TBC1D15: variants seen among roughly 807,000 people sequenced by gnomAD.
TBC1D15 encodes TBC1 domain family member 15.
A neutral mutation model predicts 95.4 loss-of-function variants in TBC1D15; 39 were observed. The ratio of observed to expected loss-of-function variants is 0.41; its 90% CI spans 0.32 to 0.53. The LOEUF (loss-of-function observed/expected upper bound fraction) is 0.53. TBC1D15 is among the 20% of genes least tolerant of loss of function. TBC1D15 has a pLI of 0.29. For synonymous variants in TBC1D15, 258 were observed against 261.3 expected (o/e 0.99, Z 0.12); for missense variants, 733 against 794.3 (o/e 0.92, Z 0.93).
At chr12:71,856,677 C>T (rs993553505) in intron 1 of TBC1D15, among the ~76,000 whole-genome samples, 2 of 152,020 alleles carry the variant, frequency 1.3e-5, no homozygotes, top group African/African-American at 4.8e-5. Context: ...TGCTGATGCT[C>T]TTTCTTTGCT....
chr12:71,888,844 C>CTTTTTTT (rs112009881), intron 5 of TBC1D15, among the ~76,000 whole-genome samples: 2 of 118,728 alleles, frequency 1.7e-5, no homozygotes, highest in Admixed American at 8.6e-5. Context: ...ATACATGTTT[C>CTTTTTTT]TTTTTTTTTT....
At chr12:71,861,394 G>A (rs1890327087) in intron 1 of TBC1D15, 5 of 1,426,854 alleles carry the variant, frequency 3.5e-6, no homozygotes, top group Non-Finnish European at 4.6e-6. Context: ...TACTGTAATT[G>A]TTTTTTTCAG....
chr12:71,912,583 C>A (rs1285359021), intron 11 of TBC1D15, among the ~76,000 whole-genome samples: 10 of 152,048 alleles, frequency 6.6e-5, no homozygotes, highest in Non-Finnish European at 1.3e-4. Flanking sequence ...TACCTGCTTT[C>A]TGAGATCATT....
chr12:71,880,344 G>A, intron 3 of TBC1D15, 125 bp from the exon 4 acceptor site: 1 of 671,432 alleles, frequency 1.5e-6, no homozygotes, highest in Non-Finnish European at 2.4e-6. Flanking sequence ...ATAGGAAATG[G>A]TGTTCAGTTT....
At chr12:71,879,052 A>T (rs953417120) in intron 3 of TBC1D15, among the ~76,000 whole-genome samples, 1 of 152,032 alleles carries the variant, frequency 6.6e-6, no homozygotes, top group Non-Finnish European at 1.5e-5. Context: ...ACATGAATAC[A>T]ATCCTGTTGC....
chr12:71,884,154 A>G (rs1436982973), intron 4 of TBC1D15, among the ~76,000 whole-genome samples: 1 of 152,162 alleles, frequency 6.6e-6, no homozygotes, highest in Non-Finnish European at 1.5e-5. Context: ...AAATGTCTGT[A>G]TATTCACTCC....
At chr12:71,856,847 G>C (rs1889196259) in intron 1 of TBC1D15, among the ~76,000 whole-genome samples, 2 of 152,192 alleles carry the variant, frequency 1.3e-5, no homozygotes, top group African/African-American at 4.8e-5. Context: ...TACTCTTTGG[G>C]CAAATAAAAC....
intron 1 of TBC1D15, among the ~76,000 whole-genome samples, chr12:71,858,358 C>A (rs1360082627): frequency 6.6e-6 from 1 of 152,128 alleles, no homozygotes; most frequent in African/African-American, 2.4e-5. Context: ...AGGTGTGAGC[C>A]ACCATGCCCG....
chr12:71,922,500 T>C (rs544249454), intron 16 of TBC1D15, among the ~76,000 whole-genome samples: 1 of 151,232 alleles, frequency 6.6e-6, no homozygotes, highest in South Asian at 2.1e-4. Flanking sequence ...CTTATGACTT[T>C]GCATTTTTAT....
intron 1 of TBC1D15, among the ~76,000 whole-genome samples, chr12:71,862,395 C>T (rs1890579095): frequency 6.6e-6 from 1 of 152,000 alleles, no homozygotes; most frequent in African/African-American, 2.4e-5. Flanking sequence ...TTGTTATATC[C>T]TCTTGCTGAA....
chr12:71,910,128 C>A (rs1041514715), intron 11 of TBC1D15, among the ~76,000 whole-genome samples: 2 of 151,862 alleles, frequency 1.3e-5, no homozygotes, highest in Non-Finnish European at 2.9e-5. Context: ...AATCCTTTCC[C>A]CATTGCTTGT....
intron 10 of TBC1D15, among the ~76,000 whole-genome samples, chr12:71,904,706 G>T (rs1016269123): frequency 2.0e-5 from 3 of 152,172 alleles, no homozygotes; most frequent in African/African-American, 7.2e-5. Context: ...TTCAAACATG[G>T]TTGTATGCTT....
chr12:71,923,231 G>T lies in TBC1D15; in HGVS notation c.*27G>T. On this transcript the variant is annotated 3_prime_UTR_variant, in exon 17 of 17. Transcript: ENST00000485960. ...CACTGTTCTTGCTTTTTTGGGAAGA[G>T]ACACTTTGTTGCAACCCTTTTTCAA... 6.2e-7 allele frequency: 1 copy of T among 1,605,580 alleles called. No homozygotes were observed.
intron 11 of TBC1D15, among the ~76,000 whole-genome samples, chr12:71,908,200 G>C (rs1901266737): frequency 6.6e-6 from 1 of 152,038 alleles, no homozygotes; most frequent in Non-Finnish European, 1.5e-5. Context: ...GACGGTGGAA[G>C]TAGAAGTGTG....
In TBC1D15 at chr12:71,913,918, G is replaced by C; in HGVS notation, c.1393G>C (p.Asp465His). The C allele has an allele frequency of 6.3e-7, 1 of 1,585,928 alleles. No individual in the cohort carries two copies. The highest frequency in any genetic ancestry group is 8.6e-7 in the Non-Finnish European group (1 of 1,169,078). The change falls in exon 12 of 17, where the codon GAC (aspartate) becomes CAC (histidine). Residue 465 changes from aspartate (D) to histidine (H), a missense_variant. Physicochemically the swap from Asp to His is moderately conservative, Grantham distance 81 (BLOSUM62 -1). Coordinates refer to ENST00000485960, the MANE Select transcript of TBC1D15 (RefSeq NM_001146213.3). ...CTTTTGGTGCTTTGCCTCTTACATG[G>C]ACCAAATGGTAAGAACAGAGATTCC... The part of the protein sequence containing the change: ...DAFWCFASYM[D>H]QMHQNFEEQM...
At chr12:71,914,016 A>G in intron 12 of TBC1D15, 90 bp downstream of exon 12, 1 of 943,372 alleles carries the variant, frequency 1.1e-6, no homozygotes, top group Non-Finnish European at 1.5e-6. Context: ...TATTTAGCCA[A>G]CTATGATGGA....
At chr12:71,854,898 C>CA (rs1484139719) in intron 1 of TBC1D15, 2 of 455,420 alleles carry the variant, frequency 4.4e-6, no homozygotes, top group East Asian at 6.9e-5. Flanking sequence ...TTCCATCAGA[C>CA]AAAATTCCTT....
chr12:71,857,077 A>G (rs1889249461), intron 1 of TBC1D15, among the ~76,000 whole-genome samples: 1 of 149,190 alleles, frequency 6.7e-6, no homozygotes, highest in South Asian at 2.2e-4. Context: ...TTTCTTTTAA[A>G]ATTTTTTAAA....
At chr12:71,896,128 G>T (rs1322502975) in intron 8 of TBC1D15, 53 bp downstream of exon 8, 1 of 1,434,162 alleles carries the variant, frequency 7.0e-7, no homozygotes, top group Non-Finnish European at 9.3e-7. Context: ...GTATTTAGGG[G>T]TTTTGTTGTT....
Sources: gnomAD v4.1 joint callset for allele counts (sites outside exome capture counted in the v4.1 genomes callset) on GRCh38, gnomAD v4.1.1 for gene constraint, MANE v1.5 for transcripts, NCBI Gene and HGNC (gene_info 2026-07-23, HGNC 2026-07-21) for gene names.